The following PTPRK variants were observed in gnomAD, a reference collection of about 807,000 sequenced individuals.
PTPRK encodes receptor-type tyrosine-protein phosphatase kappa.
Under a neutral mutation model 178.0 loss-of-function variants are expected in PTPRK, and 75 were observed. The ratio of observed to expected loss-of-function variants is 0.42; its 90% CI spans 0.35 to 0.51. The LOEUF (loss-of-function observed/expected upper bound fraction) is 0.51, where lower values mean the gene tolerates loss of function less well. PTPRK is among the 20% of genes least tolerant of loss of function. The probability of loss-of-function intolerance (pLI) is 0.02; values close to 1 mark genes in which losing one functional copy is unlikely to be tolerated. For missense variants in PTPRK, 1,441 were observed against 1,797.8 expected, an observed-to-expected ratio of 0.80 and a Z score of 3.59; for synonymous variants, 637 against 620.6, an observed-to-expected ratio of 1.03 and a Z score of -0.39.
At chr6:128,353,337 T>C (rs2128338280) in intron 2 of PTPRK, among the ~76,000 whole-genome samples, 1 of 152,348 alleles carries the variant, frequency 6.6e-6, no homozygotes, top group Admixed American at 6.5e-5. Context: ...GTATTTACCA[T>C]GCTAGATAGC....
chr6:128,067,904 ATTTAAAGTTAG>A (rs1279446876), intron 11 of PTPRK, 112 bp from the exon 12 acceptor site: 39 of 1,046,894 alleles, frequency 3.7e-5, no homozygotes, highest in Non-Finnish European at 4.4e-5. Context: ...ATTTCAAAGT[ATTTAAAGTTAG>A]TCTTAACCTG....
intron 2 of PTPRK, among the ~76,000 whole-genome samples, chr6:128,384,852 T>A (rs1171738327): frequency 6.6e-6 from 1 of 151,830 alleles, no homozygotes; most frequent in African/African-American, 2.4e-5. Context: ...TTGATCTTAG[T>A]ATTTTCAGTC....
At position 128,397,600 on chromosome 6, in the gene PTPRK, T is replaced by C. The variant is rs769258908; in HGVS notation, c.189A>G (p.Gln63=). The part of the protein sequence containing the change: ...DDFEWVHVSA[Q]EPHYLPPEMP... ...TCTCGGGTGGTAGATAATGAGGCTC[T>C]TGAGCACTAACATGCACCCATTCAA... The change falls in exon 2 of 30, where the codon CAA becomes CAG. Residue 63 remains glutamine (Q), a synonymous_variant. Coordinates refer to ENST00000368226, the MANE Select transcript of PTPRK (RefSeq NM_002844.4). 5.6e-6 allele frequency: 9 copies of C among 1,614,066 alleles called. No homozygotes were observed. The African/African-American group carries it at 1.2e-4, about 22-fold the overall frequency.
At chr6:128,051,000 C>T (rs1355486707) in intron 13 of PTPRK, among the ~76,000 whole-genome samples, 4 of 152,208 alleles carry the variant, frequency 2.6e-5, no homozygotes, top group African/African-American at 9.6e-5. Flanking sequence ...TGTTCCACAT[C>T]TGATACTTGT....
At chr6:128,216,126 A>C (rs1305735454) in intron 6 of PTPRK, among the ~76,000 whole-genome samples, 1 of 152,212 alleles carries the variant, frequency 6.6e-6, no homozygotes, top group Non-Finnish European at 1.5e-5. Context: ...AAACTATCAA[A>C]ATATATTTCT....
At chr6:128,089,582 G>A (rs1372070415) in intron 8 of PTPRK, 108 bp downstream of exon 8, 1 of 1,178,656 alleles carries the variant, frequency 8.5e-7, no homozygotes, top group Non-Finnish European at 1.2e-6. Flanking sequence ...ACATTTAGAT[G>A]ATTTCAGAAT....
chr6:127,976,343 T>C (rs577219533), intron 27 of PTPRK, among the ~76,000 whole-genome samples: 4 of 152,228 alleles, frequency 2.6e-5, no homozygotes, highest in African/African-American at 9.6e-5. Flanking sequence ...TAATAAAACA[T>C]GCAGTCATCC....
At chr6:128,443,078 C>T (rs1339190930) in intron 1 of PTPRK, among the ~76,000 whole-genome samples, 3 of 150,122 alleles carry the variant, frequency 2.0e-5, no homozygotes, top group Non-Finnish European at 4.4e-5. Context: ...TAACATAGTA[C>T]ACTTCACAAA....
At chr6:128,251,769 T>C (rs1816496208) in intron 3 of PTPRK, among the ~76,000 whole-genome samples, 1 of 152,258 alleles carries the variant, frequency 6.6e-6, no homozygotes. Flanking sequence ...AATTTTAGAA[T>C]GTTAATACTA....
intron 13 of PTPRK, among the ~76,000 whole-genome samples, chr6:128,022,060 A>C (rs1410638021): frequency 1.3e-5 from 2 of 152,158 alleles, no homozygotes; most frequent in Admixed American, 1.3e-4. Flanking sequence ...TGATCCCCAA[A>C]TCCCTCGCTT....
At chr6:128,244,776 G>A (rs941296707) in intron 3 of PTPRK, among the ~76,000 whole-genome samples, 2 of 152,190 alleles carry the variant, frequency 1.3e-5, no homozygotes, top group African/African-American at 4.8e-5. Flanking sequence ...AGCAGGAGGA[G>A]GTGAAAACTG....
rs1849219879 is a variant in PTPRK at position 128,462,649 on chromosome 6, A to ATTTG, written c.100+57609_100+57610insCAAA. ...ATTTTATTTATTTATTTATTTATTT[A>ATTTG]TTTATTTATTTATTTATTTATTTGA... On this transcript the variant is annotated intron_variant, in intron 1 of 29. Transcript: ENST00000368226. Among the ~76,000 whole-genome samples the ATTTG allele has an allele frequency of 2.0e-5, 3 of 150,664 alleles. No individual in the cohort carries two copies. In the South Asian group the frequency reaches 6.3e-4, roughly 31 times the overall value.
Position 128,519,442 on chromosome 6 carries a change from A to G in PTPRK, c.100+817T>C, listed in dbSNP as rs1858642769. 6.6e-6 allele frequency among the ~76,000 whole-genome samples: 1 copy of G among 151,906 alleles called. No homozygotes were observed. Among genetic ancestry groups the G allele is most frequent in the Non-Finnish European group, 1.5e-5 (1 of 67,998 alleles). On this transcript the variant is annotated intron_variant, in intron 1 of 29. Coordinates refer to ENST00000368226, the MANE Select transcript of PTPRK (RefSeq NM_002844.4). This position sits in a 1 kb window ranked among gnomAD's most constrained non-coding sequence, Gnocchi z 4.3. ...AGGCAGACATTTACAGTCCGCTTCCAGCCCCAGGCCGGATCCGGGGAGCGC... is the reference window on the plus strand; with the variant it reads ...AGGCAGACATTTACAGTCCGCTTCCGGCCCCAGGCCGGATCCGGGGAGCGC...
At chr6:128,103,455 G>A (rs1431185462) in intron 7 of PTPRK, among the ~76,000 whole-genome samples, 3 of 152,114 alleles carry the variant, frequency 2.0e-5, no homozygotes, top group South Asian at 2.1e-4. Flanking sequence ...GGGGCTTCAG[G>A]AGTCACAGGC....
At chr6:128,466,756 C>CAG (rs1481383105) in intron 1 of PTPRK, among the ~76,000 whole-genome samples, 1 of 151,984 alleles carries the variant, frequency 6.6e-6, no homozygotes, top group Non-Finnish European at 1.5e-5. Context: ...ACAGAAAAGG[C>CAG]AGAGTATGCT....
chr6:128,275,270 T>C (rs993101392), intron 3 of PTPRK, among the ~76,000 whole-genome samples: 1 of 152,088 alleles, frequency 6.6e-6, no homozygotes, highest in Non-Finnish European at 1.5e-5. Context: ...TCTTATGTTA[T>C]AAACAATGCT....
At chr6:127,992,800 A>G in intron 18 of PTPRK, 91 bp from the exon 19 acceptor site, 1 of 1,036,882 alleles carries the variant, frequency 9.6e-7, no homozygotes, top group Non-Finnish European at 1.4e-6. Flanking sequence ...ACCACCTGTT[A>G]AGATTAAGTT....
intron 2 of PTPRK, among the ~76,000 whole-genome samples, chr6:128,326,714 T>C (rs1427036638): frequency 2.0e-5 from 3 of 152,164 alleles, no homozygotes; most frequent in Non-Finnish European, 4.4e-5. Context: ...GAAAAATATG[T>C]AGCAAAATCT....
chr6:128,317,728 A>T (rs1414708063), intron 3 of PTPRK, among the ~76,000 whole-genome samples: 3 of 152,164 alleles, frequency 2.0e-5, no homozygotes. Flanking sequence ...TCGCAGTTAC[A>T]AAATGATCAC....
Sources: gnomAD v4.1 joint callset for allele counts (sites outside exome capture counted in the v4.1 genomes callset) on GRCh38, gnomAD v4.1.1 for gene constraint, Gnocchi (gnomAD v3.1) non-coding constraint, MANE v1.5 for transcripts, NCBI Gene and HGNC (gene_info 2026-07-23, HGNC 2026-07-21) for gene names.